CDH11: variants seen among roughly 807,000 people sequenced by gnomAD.
CDH11 encodes cadherin-11.
In CDH11, 11 loss-of-function variants were observed where a neutral mutation model predicts 67.8. That is an observed-to-expected ratio of 0.16 (90% CI 0.10 to 0.27). The LOEUF (loss-of-function observed/expected upper bound fraction) is 0.27, where lower values mean the gene tolerates loss of function less well. Among genes scored for constraint, CDH11 ranks in the 10% least tolerant of loss-of-function variants. The pLI, the probability that CDH11 is intolerant of heterozygous loss-of-function variation, is 1.00. For synonymous variants in CDH11, 419 were observed against 400.0 expected (o/e 1.05, Z -0.57); for missense variants, 847 against 1,031.2 (o/e 0.82, Z 2.45).
rs570761011 is a variant in CDH11 at position 65,111,620 on chromosome 16, G to A, written c.-298+10260C>T. ...TGTGTAGAAGGGAGTTCATAATCTA[G>A]AGTCTAGCTGCCTAGATTTCTGGCT... is the stretch of plus-strand genomic sequence containing the variant. On this transcript the variant is annotated intron_variant, in intron 1 of 12. Transcript: ENST00000268603. Among the ~76,000 whole-genome samples, 461 of 151,578 alleles carry A rather than the reference G, an allele frequency of 3.0e-3. 2 individuals are homozygous for A. Among genetic ancestry groups the A allele is most frequent in the African/African-American group, 0.011 (434 of 41,288 alleles).
intron 1 of CDH11, among the ~76,000 whole-genome samples, chr16:65,105,161 T>C (rs191203768): frequency 6.6e-6 from 1 of 152,336 alleles, no homozygotes; most frequent in Admixed American, 6.5e-5. Context: ...TTCATAAAGA[T>C]TGAACTATCT....
chr16:65,067,240 T>C (rs1030773990), intron 1 of CDH11, among the ~76,000 whole-genome samples: 1 of 149,540 alleles, frequency 6.7e-6, no homozygotes, highest in African/African-American at 2.5e-5. Context: ...GTTAAATGAA[T>C]CCTTTGAATT....
At chr16:64,969,873 C>T (rs954620296) in intron 11 of CDH11, among the ~76,000 whole-genome samples, 1 of 152,102 alleles carries the variant, frequency 6.6e-6, no homozygotes, top group African/African-American at 2.4e-5. Context: ...ATATGTGTGT[C>T]CCATGAGGGT....
intron 8 of CDH11, among the ~76,000 whole-genome samples, chr16:64,978,172 T>G (rs1249741859): frequency 6.6e-6 from 1 of 152,188 alleles, no homozygotes; most frequent in Non-Finnish European, 1.5e-5. Flanking sequence ...ACGCCTCCTG[T>G]TTTACACTCA....
chr16:65,004,998 G>A lies in CDH11; in HGVS notation c.-129C>T, dbSNP rs1721489849. ...CTCTTGGGATGGAATGTCTCTGCTG[G>A]TTGAGCTCATCACGTCAGGGCTGCC... On this transcript the variant is annotated 5_prime_UTR_variant, in exon 3 of 13. Transcript: ENST00000268603. 7.1e-7 allele frequency: 1 copy of A among 1,417,186 alleles called. No individual in the cohort carries two copies. The highest frequency in any genetic ancestry group is 1.6e-5 in the South Asian group (1 of 64,282). The allele number at this position is 1,417,186 out of a possible 1,614,324, so 87.8% of individuals were successfully genotyped here. A position where few individuals can be genotyped will look rare whatever the true frequency, so the allele number is the denominator to read the frequency against.
chr16:65,037,565 G>A (rs900219704), intron 2 of CDH11, among the ~76,000 whole-genome samples: 1 of 152,130 alleles, frequency 6.6e-6, no homozygotes, highest in African/African-American at 2.4e-5. Flanking sequence ...AAATCCTTCT[G>A]GTGTAGACAC....
At chr16:65,096,253 C>T (rs922523029) in intron 1 of CDH11, among the ~76,000 whole-genome samples, 9 of 152,038 alleles carry the variant, frequency 5.9e-5, no homozygotes, top group African/African-American at 2.2e-4. Flanking sequence ...TCTGCTAGCG[C>T]CTTGATCTTG....
intron 1 of CDH11, among the ~76,000 whole-genome samples, chr16:65,107,492 A>G (rs952229649): frequency 6.6e-6 from 1 of 152,144 alleles, no homozygotes; most frequent in Admixed American, 6.6e-5. Context: ...CTCCCTGTGA[A>G]TTTCCCTGTT....
intron 11 of CDH11, among the ~76,000 whole-genome samples, chr16:64,967,384 A>G (rs2071866905): frequency 1.3e-5 from 2 of 152,058 alleles, no homozygotes; most frequent in South Asian, 4.1e-4. Context: ...AAGCCCAGCT[A>G]ATTTTTTTGT....
chr16:64,951,486 C>T (rs1326357100), intron 11 of CDH11, among the ~76,000 whole-genome samples: 1 of 151,952 alleles, frequency 6.6e-6, no homozygotes, highest in Non-Finnish European at 1.5e-5. Context: ...GGCTCACACC[C>T]TACGTTTTCT....
At chr16:65,001,403 T>G (rs1439146500) in intron 3 of CDH11, among the ~76,000 whole-genome samples, 2 of 152,208 alleles carry the variant, frequency 1.3e-5, no homozygotes, top group Non-Finnish European at 2.9e-5. Flanking sequence ...AGGCAAAATT[T>G]CTGCCCCACA....
At chr16:64,964,087 C>A (rs1393843297) in intron 11 of CDH11, among the ~76,000 whole-genome samples, 1 of 152,146 alleles carries the variant, frequency 6.6e-6, no homozygotes, top group Non-Finnish European at 1.5e-5. Flanking sequence ...TGACCTAACA[C>A]AATAATTTGT....
chr16:65,060,038 C>T (rs2074211310), intron 1 of CDH11, among the ~76,000 whole-genome samples: 3 of 152,096 alleles, frequency 2.0e-5, no homozygotes, highest in Admixed American at 6.5e-5. Context: ...ATCTACTACA[C>T]GCCATCGGTA....
intron 1 of CDH11, among the ~76,000 whole-genome samples, chr16:65,081,302 C>T (rs1425941713): frequency 6.6e-6 from 1 of 152,158 alleles, no homozygotes; most frequent in African/African-American, 2.4e-5. Flanking sequence ...GGCGCTGGGG[C>T]TCACGCCTGT....
intron 2 of CDH11, among the ~76,000 whole-genome samples, chr16:65,020,625 G>A (rs186395998): frequency 1.2e-4 from 18 of 152,166 alleles, no homozygotes; most frequent in South Asian, 2.1e-4. Flanking sequence ...CCATGATGCC[G>A]AGCCCCAATA....
chr16:64,976,885 AC>A (rs2072188642), intron 8 of CDH11, among the ~76,000 whole-genome samples: 2 of 151,010 alleles, frequency 1.3e-5, no homozygotes, highest in Admixed American at 6.6e-5. Flanking sequence ...CAACCAACCA[AC>A]CAACCAACAA....
chr16:65,035,682 T>G (rs2073740543), intron 2 of CDH11, among the ~76,000 whole-genome samples: 1 of 152,212 alleles, frequency 6.6e-6, no homozygotes, highest in African/African-American at 2.4e-5. Context: ...TATAGCACTT[T>G]ATAATTTACA....
intron 2 of CDH11, among the ~76,000 whole-genome samples, chr16:65,021,876 G>GGAA (rs1555520091): frequency 1.8e-5 from 2 of 109,860 alleles, no homozygotes; most frequent in African/African-American, 3.5e-5. Context: ...AAGTAACTCA[G>GGAA]AAAAAAAAAA....
Position 64,971,945 on chromosome 16 carries a change from G to A in CDH11, c.1510C>T (p.Pro504Ser), listed in dbSNP as rs762550510. 1 of 1,613,824 alleles carries A rather than the reference G, an allele frequency of 6.2e-7. No homozygotes were observed. The highest frequency in any genetic ancestry group is 1.3e-5 in the African/African-American group (1 of 74,914). ...AGCAGGATTACCTGGTTGGAAAGTGGCTTGGTCTGATCACTCTCACAGATG... is the reference window on the plus strand; with the variant it reads ...AGCAGGATTACCTGGTTGGAAAGTGACTTGGTCTGATCACTCTCACAGATG... The part of the protein sequence containing the change: ...GFICESDQTK[P>S]LSNQPIVTIS... Residue 504 changes from proline to serine, a missense_variant, in exon 10 of 13, where the codon CCA (proline) becomes TCA (serine). By Grantham distance (74) the Pro-to-Ser change is moderately conservative. This residue lies in a region of CDH11 where 612 missense variants were observed against 678.7 expected (regional missense o/e 0.90). Transcript: ENST00000268603.
Sources: allele counts gnomAD v4.1 joint callset (sites outside exome capture counted in the v4.1 genomes callset), GRCh38; gene constraint gnomAD v4.1.1; regional missense constraint gnomAD v4.1.1; transcripts MANE v1.5; gene names NCBI Gene and HGNC (gene_info 2026-07-23, HGNC 2026-07-21).